Variants in CPNE4 observed in about 807,000 individuals in gnomAD.
The protein encoded by CPNE4 is copine-4.
A neutral mutation model predicts 67.9 loss-of-function variants in CPNE4; 25 were observed. The observed-to-expected ratio is 0.37, with a 90% confidence interval of 0.27 to 0.51. CPNE4 has a LOEUF of 0.51. Among genes scored for constraint, CPNE4 ranks in the 20% least tolerant of loss-of-function variants. CPNE4 has a pLI of 0.93. For synonymous variants in CPNE4, 242 were observed against 244.9 expected, an observed-to-expected ratio of 0.99 and a Z score of 0.11; for missense variants, 464 against 690.8, an observed-to-expected ratio of 0.67 and a Z score of 3.68.
intron 2 of CPNE4, among the ~76,000 whole-genome samples, chr3:131,823,365 T>G (rs1312590440): frequency 6.6e-6 from 1 of 152,192 alleles, no homozygotes; most frequent in Non-Finnish European, 1.5e-5. Context: ...TATTTGACAC[T>G]GACTGCAACG....
At chr3:131,626,983 A>G (rs376212418) in intron 7 of CPNE4, among the ~76,000 whole-genome samples, 29 of 152,252 alleles carry the variant, frequency 1.9e-4, no homozygotes, top group African/African-American at 6.7e-4. Flanking sequence ...TCACGAGGTC[A>G]GGAGTTCGAG....
chr3:131,725,684 T>C (rs2081983843), intron 2 of CPNE4, among the ~76,000 whole-genome samples: 1 of 152,256 alleles, frequency 6.6e-6, no homozygotes, highest in Admixed American at 6.5e-5. Context: ...ACTGGTAGTC[T>C]GCAGGGATAA....
chr3:131,707,217 C>T (rs1395681553), intron 3 of CPNE4, among the ~76,000 whole-genome samples: 1 of 152,122 alleles, frequency 6.6e-6, no homozygotes, highest in Non-Finnish European at 1.5e-5. Flanking sequence ...AGTTTGAAAT[C>T]AAGGTATTGG....
At chr3:131,863,749 C>T (rs936414025) in intron 2 of CPNE4, among the ~76,000 whole-genome samples, 100 of 152,258 alleles carry the variant, frequency 6.6e-4, no homozygotes, top group African/African-American at 2.2e-3. Flanking sequence ...GTTGCCATTG[C>T]TTTTGGTGTT....
At chr3:131,695,931 T>C (rs1490461084) in intron 5 of CPNE4, among the ~76,000 whole-genome samples, 1 of 152,230 alleles carries the variant, frequency 6.6e-6, no homozygotes, top group East Asian at 1.9e-4. Flanking sequence ...TAGATGTATG[T>C]TTTACTTCAA....
At position 132,016,161 on chromosome 3, in the gene CPNE4, C is replaced by T. The variant is rs193246082; in HGVS notation, c.-2+18406G>A. On this transcript the variant is annotated intron_variant, in intron 1 of 15. Coordinates refer to ENST00000429747, the MANE Select transcript of CPNE4 (RefSeq NM_130808.3). ...CAAATAAAGCAAAAATTCACTAGCA[C>T]GCCACGTATTACACCCTGGATTGAA... Among the ~76,000 whole-genome samples the T allele has an allele frequency of 1.2e-4, 19 of 152,240 alleles. No homozygotes were observed. The East Asian group carries it at 2.3e-3, about 19-fold the overall frequency.
chr3:132,011,109 G>T (rs768564326), intron 1 of CPNE4, among the ~76,000 whole-genome samples: 8 of 152,136 alleles, frequency 5.3e-5, no homozygotes, highest in Non-Finnish European at 1.0e-4. Flanking sequence ...TAGCCCATAG[G>T]GCGACTTTGT....
chr3:131,542,939 A>C (rs1935591668), intron 14 of CPNE4, 146 bp from the exon 15 acceptor site: 2 of 623,774 alleles, frequency 3.2e-6, no homozygotes, highest in East Asian at 5.3e-5. Flanking sequence ...ATGTGCTGAT[A>C]GTCCTAAAGG....
intron 1 of CPNE4, among the ~76,000 whole-genome samples, chr3:131,927,056 A>G (rs566329725): frequency 2.0e-5 from 3 of 152,294 alleles, no homozygotes; most frequent in South Asian, 4.1e-4. Context: ...AGTGCCATTT[A>G]CTGACCACCT....
At chr3:131,846,529 G>C (rs1304133275) in intron 2 of CPNE4, among the ~76,000 whole-genome samples, 1 of 152,142 alleles carries the variant, frequency 6.6e-6, no homozygotes, top group Non-Finnish European at 1.5e-5. Flanking sequence ...TGTTGATAGG[G>C]AAAAACTGTC....
intron 2 of CPNE4, among the ~76,000 whole-genome samples, chr3:131,778,993 T>C (rs1376402881): frequency 6.6e-6 from 1 of 152,082 alleles, no homozygotes; most frequent in East Asian, 1.9e-4. Context: ...CAAAGTTTTA[T>C]GATACAGAAT....
At chr3:131,911,112 A>C (rs1156660727) in intron 1 of CPNE4, among the ~76,000 whole-genome samples, 1 of 152,150 alleles carries the variant, frequency 6.6e-6, no homozygotes, top group East Asian at 1.9e-4. Context: ...ATAGAATGTC[A>C]TCTCTGCCTT....
chr3:131,812,609 T>G (rs2084579622), intron 2 of CPNE4, among the ~76,000 whole-genome samples: 1 of 152,234 alleles, frequency 6.6e-6, no homozygotes, highest in African/African-American at 2.4e-5. Flanking sequence ...GTTGTGTGCC[T>G]GAGAGCATGC....
At chr3:131,734,149 A>C (rs1261772725) in intron 2 of CPNE4, among the ~76,000 whole-genome samples, 1 of 152,164 alleles carries the variant, frequency 6.6e-6, no homozygotes, top group Non-Finnish European at 1.5e-5. Context: ...TAGTCCCCTG[A>C]TCCAAGTGGA....
At chr3:131,873,702 A>C (rs1359608521) in intron 2 of CPNE4, among the ~76,000 whole-genome samples, 7 of 152,208 alleles carry the variant, frequency 4.6e-5, no homozygotes, top group African/African-American at 1.7e-4. Context: ...GCCCCTGAGA[A>C]GTCCACTCTC....
At chr3:131,999,459 C>T (rs1438894663) in intron 1 of CPNE4, among the ~76,000 whole-genome samples, 2 of 152,036 alleles carry the variant, frequency 1.3e-5, no homozygotes, top group African/African-American at 2.4e-5. Context: ...AAAGAGAGTA[C>T]ATACTATATG....
At chr3:131,715,023 G>A (rs2107729681) in intron 3 of CPNE4, among the ~76,000 whole-genome samples, 1 of 42,976 alleles carries the variant, frequency 2.3e-5, no homozygotes, top group East Asian at 3.7e-4. Flanking sequence ...ACTTCACACA[G>A]TCATAACTGT....
intron 15 of CPNE4, among the ~76,000 whole-genome samples, chr3:131,537,390 TCTC>T (rs1222233765): frequency 6.6e-6 from 1 of 151,532 alleles, no homozygotes; most frequent in Admixed American, 6.6e-5. Context: ...TTCAAGCAAT[TCTC>T]CTGCTTCAGC....
chr3:131,746,146 TCAA>T (rs2082483170), intron 2 of CPNE4, among the ~76,000 whole-genome samples: 1 of 152,110 alleles, frequency 6.6e-6, no homozygotes, highest in African/African-American at 2.4e-5. Context: ...AAATTTATCA[TCAA>T]CAGATAATAA....
Sources: allele counts gnomAD v4.1 joint callset (sites outside exome capture counted in the v4.1 genomes callset), GRCh38; gene constraint gnomAD v4.1.1; transcripts MANE v1.5; gene names NCBI Gene and HGNC (gene_info 2026-07-23, HGNC 2026-07-21).